The following PCCA variants were observed in gnomAD, a reference collection of about 807,000 sequenced individuals.
PCCA encodes propionyl-CoA carboxylase alpha chain, mitochondrial.
In PCCA, 74 loss-of-function variants were observed where a neutral mutation model predicts 101.3. The observed-to-expected ratio is 0.73, with a 90% CI of 0.61 to 0.89. PCCA has a LOEUF of 0.89. PCCA is among the 40% of genes least tolerant of loss of function. PCCA has a pLI of 0.00. For missense variants in PCCA, 891 were observed against 907.0 expected (o/e 0.98, Z 0.23); for synonymous variants, 294 against 313.6 (o/e 0.94, Z 0.66).
intron 19 of PCCA, among the ~76,000 whole-genome samples, chr13:100,402,575 C>T (rs1384090705): frequency 6.6e-6 from 1 of 152,130 alleles, no homozygotes; most frequent in Non-Finnish European, 1.5e-5. Flanking sequence ...CACGAACTTC[C>T]AGCCTAGTTT....
chr13:100,475,786 C>T (rs1230294792), intron 21 of PCCA, among the ~76,000 whole-genome samples: 2 of 152,168 alleles, frequency 1.3e-5, no homozygotes, highest in Non-Finnish European at 2.9e-5. Flanking sequence ...CCAGTTCTTC[C>T]CACATCCTCA....
At chr13:100,380,721 A>C (rs1019906775) in intron 19 of PCCA, among the ~76,000 whole-genome samples, 2 of 152,266 alleles carry the variant, frequency 1.3e-5, no homozygotes, top group African/African-American at 4.8e-5. Flanking sequence ...ATAAGAGGCA[A>C]AACATCTTTA....
chr13:100,228,328 C>T (rs1465714868), intron 7 of PCCA, among the ~76,000 whole-genome samples: 3 of 152,082 alleles, frequency 2.0e-5, no homozygotes, highest in African/African-American at 7.2e-5. Context: ...TTTGACTTTT[C>T]TTCCACTTTG....
rs376935990 is a variant in PCCA at position 100,263,307 on chromosome 13, C to G, written c.819+476C>G. Reference sequence around the variant, plus strand: ...AAATAAAACGGGGAAGAAGACAAGTCTGTTGAAGTTTTCATTTGCCTGTTG... The same window carrying G: ...AAATAAAACGGGGAAGAAGACAAGTGTGTTGAAGTTTTCATTTGCCTGTTG... On this transcript the variant is annotated intron_variant, in intron 10 of 23. Coordinates refer to ENST00000376285, the MANE Select transcript of PCCA (RefSeq NM_000282.4). Among the ~76,000 whole-genome samples the G allele has an allele frequency of 3.9e-5, 6 of 152,246 alleles. No homozygotes were observed. The East Asian group carries it at 1.2e-3, about 29-fold the overall frequency.
chr13:100,513,617 T>C (rs182412650), intron 21 of PCCA, among the ~76,000 whole-genome samples: 67 of 152,370 alleles, frequency 4.4e-4, no homozygotes, highest in African/African-American at 1.5e-3. Context: ...ATCTGTGATA[T>C]AACTAAACTT....
At position 100,276,213 on chromosome 13, in the gene PCCA, C is replaced by CAAAAAAA. The variant is rs59671834; in HGVS notation, c.1065+2892_1065+2898dup. The stretch of plus-strand genomic sequence containing the variant: ...TAACATAGTGAGAACTTGTCTGTAC[C>CAAAAAAA]AAAAAAAAAAAAAAAAAAAAAAAAA... On this transcript the variant is annotated intron_variant, in intron 12 of 23. Coordinates refer to ENST00000376285, the MANE Select transcript of PCCA (RefSeq NM_000282.4). Among the ~76,000 whole-genome samples, 96 of 102,090 alleles carry CAAAAAAA rather than the reference C, an allele frequency of 9.4e-4. 2 individuals are homozygous for CAAAAAAA. The highest frequency in any genetic ancestry group is 6.4e-3 in the East Asian group (26 of 4,060). 67.0% of individuals were successfully genotyped at this position (102,090 alleles called of 152,430 possible). A position where few individuals can be genotyped will look rare whatever the true frequency, so the allele number is the denominator to read the frequency against.
intron 19 of PCCA, among the ~76,000 whole-genome samples, chr13:100,388,695 C>T (rs1382243579): frequency 6.6e-6 from 1 of 152,090 alleles, no homozygotes; most frequent in Admixed American, 6.5e-5. Flanking sequence ...ACTTGGGAGG[C>T]TGAGGCGGAG....
At chr13:100,368,136 A>G (rs763254255) in intron 18 of PCCA, among the ~76,000 whole-genome samples, 1 of 152,304 alleles carries the variant, frequency 6.6e-6, no homozygotes, top group Non-Finnish European at 1.5e-5. Context: ...AGGCCACATC[A>G]TGCTAACTCA....
chr13:100,455,379 T>C (rs967584166), intron 21 of PCCA, among the ~76,000 whole-genome samples: 3 of 152,234 alleles, frequency 2.0e-5, no homozygotes, highest in Non-Finnish European at 2.9e-5. Context: ...TATTCTTTGC[T>C]TTTCTTTATA....
At chr13:100,512,793 TAAAATC>T (rs1320590497) in intron 21 of PCCA, among the ~76,000 whole-genome samples, 1 of 152,124 alleles carries the variant, frequency 6.6e-6, no homozygotes, top group Non-Finnish European at 1.5e-5. Context: ...CACAAAAACT[TAAAATC>T]AAAACTCTCT....
chr13:100,483,139 A>G (rs2084083521), intron 21 of PCCA, among the ~76,000 whole-genome samples: 1 of 152,156 alleles, frequency 6.6e-6, no homozygotes. Flanking sequence ...TGGGGAGGAA[A>G]AGCCACGTTT....
intron 21 of PCCA, among the ~76,000 whole-genome samples, chr13:100,489,420 A>G (rs945118520): frequency 6.6e-6 from 1 of 152,276 alleles, no homozygotes; most frequent in East Asian, 1.9e-4. Context: ...AAAACAGGTA[A>G]GAAAAGATTG....
At chr13:100,528,983 T>C (rs2088127279) in intron 23 of PCCA, among the ~76,000 whole-genome samples, 1 of 152,138 alleles carries the variant, frequency 6.6e-6, no homozygotes, top group Non-Finnish European at 1.5e-5. Context: ...CTTGGCCTCA[T>C]CAGTTCCCTG....
At chr13:100,099,834 C>T (rs1225576443) in intron 1 of PCCA, among the ~76,000 whole-genome samples, 1 of 152,060 alleles carries the variant, frequency 6.6e-6, no homozygotes, top group Non-Finnish European at 1.5e-5. Context: ...GCATTATGAC[C>T]TAGATAAGTA....
At chr13:100,237,935 C>CTTTTTTTTT (rs1167146448) in intron 8 of PCCA, among the ~76,000 whole-genome samples, 5 of 131,078 alleles carry the variant, frequency 3.8e-5, no homozygotes, top group Admixed American at 7.6e-5. Flanking sequence ...TTCTTTCTTT[C>CTTTTTTTTT]TTTCTTTTTT....
At chr13:100,170,872 T>C (rs1248112847) in intron 6 of PCCA, among the ~76,000 whole-genome samples, 2 of 152,224 alleles carry the variant, frequency 1.3e-5, no homozygotes, top group African/African-American at 4.8e-5. Context: ...TTTGTCAGCA[T>C]AGCGTACAGT....
At chr13:100,116,367 A>C (rs2048797008) in intron 4 of PCCA, among the ~76,000 whole-genome samples, 1 of 152,182 alleles carries the variant, frequency 6.6e-6, no homozygotes, top group Admixed American at 6.5e-5. Flanking sequence ...CTAATTTTTA[A>C]GGTAATTATG....
At chr13:100,478,608 A>T (rs377116534) in intron 21 of PCCA, among the ~76,000 whole-genome samples, 4 of 152,154 alleles carry the variant, frequency 2.6e-5, no homozygotes, top group African/African-American at 9.7e-5. Context: ...CGACGCCATG[A>T]TGAGGAGGAA....
At chr13:100,260,403 T>G (rs71439657) in intron 9 of PCCA, among the ~76,000 whole-genome samples, 62,593 of 121,282 alleles carry the variant, frequency 0.52, 14,753 homozygotes, top group South Asian at 0.7. Context: ...GTGTGTTTTT[T>G]TTTTTTTTTT....
Sources: allele counts gnomAD v4.1 joint callset (sites outside exome capture counted in the v4.1 genomes callset), GRCh38; gene constraint gnomAD v4.1.1; transcripts MANE v1.5; gene names NCBI Gene and HGNC (gene_info 2026-07-23, HGNC 2026-07-21).